DSG2: variants seen among roughly 807,000 people sequenced by gnomAD.
The protein encoded by DSG2 is desmoglein-2.
DSG2 carries 45 observed loss-of-function variants against 75.6 expected under a neutral mutation model. The observed-to-expected ratio is 0.60, with a 90% CI of 0.47 to 0.76. The LOEUF is 0.76. DSG2 is among the 30% of genes least tolerant of loss of function. The pLI is 0.00. For missense variants in DSG2, 1,267 were observed against 1,357.4 expected (o/e 0.93, Z 1.05); for synonymous variants, 429 against 483.9 (o/e 0.89, Z 1.49).
At chr18:31,504,367 C>A (rs2073028500) in intron 1 of DSG2, among the ~76,000 whole-genome samples, 1 of 152,148 alleles carries the variant, frequency 6.6e-6, no homozygotes, top group South Asian at 2.1e-4. Context: ...CTCCTTAGAC[C>A]CCAAAAGTGC....
chr18:31,501,229 G>T (rs925393880), intron 1 of DSG2, among the ~76,000 whole-genome samples: 9 of 152,296 alleles, frequency 5.9e-5, no homozygotes, highest in Admixed American at 1.3e-4. Flanking sequence ...CTGAGAAGGG[G>T]TTCATAGGCC....
chr18:31,510,774 C>T (rs766486506), intron 1 of DSG2, among the ~76,000 whole-genome samples: 3 of 152,150 alleles, frequency 2.0e-5, no homozygotes, highest in Non-Finnish European at 4.4e-5. Context: ...TCTGAAAACA[C>T]TGCTTTGGAT....
rs764150806 is a variant in DSG2, at chr18:31,518,284, C to G, written c.81+10C>G. ...TGGACTTCACTTACAGGTGAGGAAA[C>G]AAAGGGATTATTTCTGCCTTCTGAC... On this transcript the variant is annotated intron_variant, in intron 2 of 14. Coordinates refer to ENST00000261590, the MANE Select transcript of DSG2 (RefSeq NM_001943.5). 8.1e-6 allele frequency: 13 copies of G among 1,611,072 alleles called. No individual in the cohort carries two copies. In the South Asian group the frequency reaches 1.3e-4, roughly 16 times the overall value.
At chr18:31,531,666 C>A (rs1217247224) in intron 9 of DSG2, among the ~76,000 whole-genome samples, 1 of 152,232 alleles carries the variant, frequency 6.6e-6, no homozygotes, top group African/African-American at 2.4e-5. Flanking sequence ...TATGGGGAAA[C>A]CAGCTTTACT....
At chr18:31,512,081 G>A (rs571597275) in intron 1 of DSG2, among the ~76,000 whole-genome samples, 88 of 152,114 alleles carry the variant, frequency 5.8e-4, no homozygotes, top group Middle Eastern at 3.4e-3. Context: ...TTTTATCTCC[G>A]GGCATAACTT....
In DSG2 at chr18:31,531,222, A is replaced by G; in HGVS notation, c.1250A>G (p.Asp417Gly). Residue 417 changes from aspartate (D) to glycine (G), a missense_variant, in exon 9 of 15, where the codon GAT becomes GGT. Physicochemically the swap from Asp to Gly is moderately conservative, Grantham distance 94. Transcript: ENST00000261590. ...ATAATTGGAAATTTTCAAGCTTTTGATGAGGACACTGGACTACCAGCCCAT... is the reference window on the plus strand; with the variant it reads ...ATAATTGGAAATTTTCAAGCTTTTGGTGAGGACACTGGACTACCAGCCCAT... ...GQIIGNFQAF[D>G]EDTGLPAHAR... is the part of the protein sequence containing the mutation. 6.2e-7 allele frequency: 1 copy of G among 1,614,200 alleles called. No individual in the cohort carries two copies.
Position 31,538,789 on chromosome 18 carries a change from G to A in DSG2, c.1690G>A (p.Gly564Arg). The A allele has an allele frequency of 6.2e-7, 1 of 1,614,142 alleles. No individual in the cohort carries two copies. Among genetic ancestry groups the A allele is most frequent in the Non-Finnish European group, 8.5e-7 (1 of 1,180,028 alleles). Residue 564 changes from glycine to arginine, a missense_variant, in exon 12 of 15, where the codon GGG (glycine) becomes AGG (arginine). By Grantham distance (125) the Gly-to-Arg change is moderately radical (BLOSUM62 -2). Transcript: ENST00000261590. Reference sequence around the variant, plus strand: ...GCTGCAACAAAGTGAGAAAAAGCTTGGGAGAAGTGAAATTCAGTTCCTGAT... The same window carrying A: ...GCTGCAACAAAGTGAGAAAAAGCTTAGGAGAAGTGAAATTCAGTTCCTGAT... The part of the protein sequence containing the change: ...VLLQQSEKKL[G>R]RSEIQFLISD...
rs1344464214 is a variant in DSG2, at chr18:31,518,623, T to C, written c.81+349T>C. ...GTATATATGTGCAACTGTATAGTTA[T>C]GAAAAATCATAAAAGATATTAATCA... On this transcript the variant is annotated intron_variant, in intron 2 of 14. Transcript: ENST00000261590. Among the ~76,000 whole-genome samples the C allele has an allele frequency of 3.9e-5, 6 of 152,292 alleles. No individual in the cohort carries two copies. The East Asian group carries it at 1.2e-3, about 29-fold the overall frequency.
chr18:31,523,991 G>A (rs189145622), intron 6 of DSG2, among the ~76,000 whole-genome samples: 5 of 152,296 alleles, frequency 3.3e-5, no homozygotes, highest in Admixed American at 2.0e-4. Flanking sequence ...CTGAGAAGCC[G>A]TTCTCTAGGA....
Position 31,522,212 on chromosome 18 carries a change from G to A in DSG2, c.653G>A (p.Gly218Glu), listed in dbSNP as rs794728082. 1 of 1,613,758 alleles carries A rather than the reference G, an allele frequency of 6.2e-7. No individual in the cohort carries two copies. The highest frequency in any genetic ancestry group is 8.5e-7 in the Non-Finnish European group (1 of 1,179,836). ...PPVFYLNKDT[G>E]EIYTTSVTLD... ...GTGTTCTACCTAAATAAAGATACAG[G>A]AGAGATTTATACAACCAGTGTTACC... The change falls in exon 6 of 15, where the codon GGA (glycine) becomes GAA (glutamate). Residue 218 changes from glycine (G) to glutamate (E), a missense_variant. Transcript: ENST00000261590.
In DSG2 at chr18:31,530,915, C is replaced by T. The variant is rs1000998173; in HGVS notation, c.1015-72C>T. ...TATTGTATCTAACATTAAAACCACACATGTATATGTATATGTATACATGTC... is the reference window on the plus strand; with the variant it reads ...TATTGTATCTAACATTAAAACCACATATGTATATGTATATGTATACATGTC... On this transcript the variant is annotated intron_variant, in intron 8 of 14. Transcript: ENST00000261590. 28 of 1,464,444 alleles carry T rather than the reference C, an allele frequency of 1.9e-5. No homozygotes were observed. In the African/African-American group the frequency reaches 3.2e-4, roughly 17 times the overall value. 90.7% of individuals were successfully genotyped at this position (1,464,444 alleles called of 1,614,324 possible). A position where few individuals can be genotyped will look rare whatever the true frequency, so the allele number is the denominator to read the frequency against.
intron 1 of DSG2, among the ~76,000 whole-genome samples, chr18:31,517,254 A>G (rs2073099355): frequency 6.6e-6 from 1 of 152,218 alleles, no homozygotes; most frequent in African/African-American, 2.4e-5. Flanking sequence ...GATAGAATCC[A>G]GAAACTGGGA....
Position 31,548,440 on chromosome 18 carries a change from G to A in DSG2, c.*1697G>A, listed in dbSNP as rs1476544450. ...TGGTGTCATGCAAAGGATTTATATA[G>A]TGTGCTCCCACTAACTGTACAGATC... On this transcript the variant is annotated 3_prime_UTR_variant, in exon 15 of 15. Coordinates refer to ENST00000261590, the MANE Select transcript of DSG2 (RefSeq NM_001943.5). 1 of 124,816 alleles carries A rather than the reference G, an allele frequency of 8.0e-6. No individual in the cohort carries two copies. The highest frequency in any genetic ancestry group is 1.6e-5 in the Non-Finnish European group (1 of 61,424). The allele number at this position is 124,816 out of a possible 1,614,324, so 7.7% of individuals were successfully genotyped here.
intron 1 of DSG2, among the ~76,000 whole-genome samples, chr18:31,512,326 A>G (rs142198593): frequency 8.8e-4 from 134 of 152,282 alleles, no homozygotes; most frequent in African/African-American, 3.0e-3. Flanking sequence ...CATTCATTCC[A>G]TTCACAGGTC....
chr18:31,524,065 C>T (rs946452661), intron 6 of DSG2, among the ~76,000 whole-genome samples: 9 of 152,212 alleles, frequency 5.9e-5, no homozygotes, highest in African/African-American at 1.9e-4. Flanking sequence ...TTTGCCTTCA[C>T]TAACCAAGTT....
At chr18:31,531,669 GCTTTA>G (rs1382220260) in intron 9 of DSG2, among the ~76,000 whole-genome samples, 3 of 152,310 alleles carry the variant, frequency 2.0e-5, no homozygotes, top group South Asian at 4.1e-4. Context: ...GGGGAAACCA[GCTTTA>G]CTTAACGCAT....
At chr18:31,509,993 T>A (rs1229269340) in intron 1 of DSG2, among the ~76,000 whole-genome samples, 1 of 152,246 alleles carries the variant, frequency 6.6e-6, no homozygotes. Flanking sequence ...CCAGGGATCC[T>A]CTGGGCAGTT....
chr18:31,539,632 A>G (rs1321640836), intron 12 of DSG2, among the ~76,000 whole-genome samples: 8 of 152,212 alleles, frequency 5.3e-5, no homozygotes, highest in African/African-American at 1.9e-4. Flanking sequence ...CACATGAAAT[A>G]TCACTCTACT....
intron 1 of DSG2, 22 bp from the exon 2 acceptor site, chr18:31,518,217 A>G: frequency 1.2e-6 from 2 of 1,602,448 alleles, no homozygotes; most frequent in East Asian, 2.2e-5. Flanking sequence ...TTGGCTAAAT[A>G]TCAAATAATT....
Sources: gnomAD v4.1 joint callset for allele counts (sites outside exome capture counted in the v4.1 genomes callset) on GRCh38, gnomAD v4.1.1 for gene constraint, MANE v1.5 for transcripts, NCBI Gene and HGNC (gene_info 2026-07-23, HGNC 2026-07-21) for gene names.